ADAM32: variants seen among roughly 807,000 people sequenced by gnomAD.
ADAM32 encodes ADAM metallopeptidase domain 32.
A neutral mutation model predicts 114.9 loss-of-function variants in ADAM32; 89 were observed. The observed-to-expected ratio is 0.77, with a 90% CI of 0.65 to 0.92. The LOEUF (loss-of-function observed/expected upper bound fraction) is 0.92, where lower values mean the gene tolerates loss of function less well. ADAM32 is among the 40% of genes least tolerant of loss of function. The probability of loss-of-function intolerance (pLI) is 0.00; values close to 1 mark genes in which losing one functional copy is unlikely to be tolerated. For synonymous variants in ADAM32, 285 were observed against 307.5 expected (o/e 0.93, Z 0.77); for missense variants, 870 against 932.8 (o/e 0.93, Z 0.88).
chr8:39,272,381 T>A (rs1036805709), intron 20 of ADAM32, among the ~76,000 whole-genome samples: 7 of 152,114 alleles, frequency 4.6e-5, no homozygotes, highest in Non-Finnish European at 1.0e-4. Flanking sequence ...TTCTGAGAAA[T>A]GCACCGTTAG....
chr8:39,240,492 A>G (rs1266131369), intron 16 of ADAM32, among the ~76,000 whole-genome samples: 2 of 152,232 alleles, frequency 1.3e-5, no homozygotes, highest in African/African-American at 4.8e-5. Flanking sequence ...AAAAATAGAC[A>G]ACCTAAGGTC....
At chr8:39,275,542 C>T (rs766154528) in intron 21 of ADAM32, among the ~76,000 whole-genome samples, 3 of 152,128 alleles carry the variant, frequency 2.0e-5, no homozygotes, top group Admixed American at 6.5e-5. Context: ...TAAAATAAAG[C>T]ATGTATTCTG....
intron 12 of ADAM32, among the ~76,000 whole-genome samples, chr8:39,217,792 G>A (rs1342794966): frequency 6.6e-6 from 1 of 152,096 alleles, no homozygotes; most frequent in African/African-American, 2.4e-5. Flanking sequence ...ATGTCTTTGA[G>A]TTTCCTCAAA....
intron 10 of ADAM32, among the ~76,000 whole-genome samples, chr8:39,181,127 C>T (rs1480647695): frequency 7.2e-5 from 11 of 152,240 alleles, no homozygotes; most frequent in Admixed American, 2.0e-4. Flanking sequence ...AGTGGCAACC[C>T]GCTTGGGTCC....
chr8:39,140,582 G>A lies in ADAM32; in HGVS notation c.200+3864G>A, dbSNP rs113328897. ...GTATTTTATTGAGGATTTTCGCATCGATGTTCATCAGGGATATTGGCCTAA... is the reference window on the plus strand; with the variant it reads ...GTATTTTATTGAGGATTTTCGCATCAATGTTCATCAGGGATATTGGCCTAA... On this transcript the variant is annotated intron_variant, in intron 3 of 24. Transcript: ENST00000379907. Among the ~76,000 whole-genome samples, 63 of 152,224 alleles carry A rather than the reference G, an allele frequency of 4.1e-4. 1 individual carries two copies. The highest frequency in any genetic ancestry group is 1.4e-3 in the African/African-American group (57 of 41,544).
intron 20 of ADAM32, among the ~76,000 whole-genome samples, chr8:39,271,914 A>T (rs184800582): frequency 6.6e-6 from 1 of 152,066 alleles, no homozygotes. Flanking sequence ...GTGTTGGGTC[A>T]TGCCTGTAAT....
At chr8:39,200,962 T>A (rs1256683502) in intron 11 of ADAM32, among the ~76,000 whole-genome samples, 1 of 152,222 alleles carries the variant, frequency 6.6e-6, no homozygotes, top group Non-Finnish European at 1.5e-5. Context: ...CTGAAGGCTC[T>A]GTTCTGTTCC....
rs1349034657 is a variant in ADAM32 at position 39,211,210 on chromosome 8, T to C, written c.1119T>C (p.Asn373=). 1.2e-6 allele frequency: 2 copies of C among 1,607,392 alleles called. No individual in the cohort carries two copies. Among genetic ancestry groups the C allele is most frequent in the East Asian group, 4.5e-5 (2 of 44,450 alleles). Residue 373 remains asparagine (N), a synonymous_variant, in exon 12 of 25, where the codon AAT becomes AAC. Transcript: ENST00000379907. ...GGAGCTTTCAAAATTTCATTTCAAATGTGGGTGTCAAATGTCTTCAGAATA... is the reference window on the plus strand; with the variant it reads ...GGAGCTTTCAAAATTTCATTTCAAACGTGGGTGTCAAATGTCTTCAGAATA... ...SLRSFQNFIS[N]VGVKCLQNKP...
At chr8:39,188,998 G>A (rs1216380080) in intron 11 of ADAM32, among the ~76,000 whole-genome samples, 1 of 152,050 alleles carries the variant, frequency 6.6e-6, no homozygotes, top group Non-Finnish European at 1.5e-5. Context: ...AGTAGCTGAA[G>A]TGATCTACAT....
At chr8:39,197,842 G>A (rs1218407916) in intron 11 of ADAM32, among the ~76,000 whole-genome samples, 2 of 152,140 alleles carry the variant, frequency 1.3e-5, no homozygotes, top group African/African-American at 4.8e-5. Flanking sequence ...TTGCTTGATA[G>A]TGCTGCAGAT....
chr8:39,184,073 G>GT (rs1806073176), intron 10 of ADAM32, among the ~76,000 whole-genome samples: 1 of 152,222 alleles, frequency 6.6e-6, no homozygotes. Context: ...TTGATGGCAG[G>GT]TAGAGTGCTC....
chr8:39,152,457 C>T (rs893284634), intron 6 of ADAM32, among the ~76,000 whole-genome samples: 4 of 151,936 alleles, frequency 2.6e-5, no homozygotes, highest in Non-Finnish European at 5.9e-5. Context: ...CATGGTGGCT[C>T]ACACCTGTAA....
intron 20 of ADAM32, among the ~76,000 whole-genome samples, chr8:39,272,186 TATTGATGATTAAAAGA>T (rs1188556179): frequency 2.6e-5 from 4 of 151,804 alleles, no homozygotes; most frequent in Admixed American, 1.3e-4. Context: ...AAATGCAATT[TATTGATGATTAAAAGA>T]ACAGAACAAT....
At chr8:39,209,536 G>C (rs920447990) in intron 11 of ADAM32, among the ~76,000 whole-genome samples, 1 of 152,066 alleles carries the variant, frequency 6.6e-6, no homozygotes, top group Non-Finnish European at 1.5e-5. Flanking sequence ...TAATGCTTGT[G>C]GATGTATCTG....
intron 19 of ADAM32, among the ~76,000 whole-genome samples, chr8:39,260,834 A>G (rs773349954): frequency 9.9e-5 from 15 of 152,086 alleles, no homozygotes; most frequent in Admixed American, 6.6e-4. Flanking sequence ...TATTAATTCT[A>G]TTATAAAAGT....
intron 16 of ADAM32, among the ~76,000 whole-genome samples, chr8:39,245,039 C>G (rs1236752504): frequency 6.6e-6 from 1 of 151,960 alleles, no homozygotes; most frequent in Non-Finnish European, 1.5e-5. Context: ...TTCTGCATAG[C>G]AAAAATATAA....
In ADAM32 at chr8:39,223,209, A is replaced by T; in HGVS notation, c.1496A>T (p.Asp499Val). The T allele has an allele frequency of 6.3e-7, 1 of 1,595,374 alleles. No homozygotes were observed. Among genetic ancestry groups the T allele is most frequent in the East Asian group, 2.3e-5 (1 of 43,948 alleles). The change falls in exon 14 of 25, where the codon GAT becomes GTT. Residue 499 changes from aspartate to valine, a missense_variant. Physicochemically the swap from Asp to Val is radical, Grantham distance 152. Coordinates refer to ENST00000379907, the MANE Select transcript of ADAM32 (RefSeq NM_145004.7). Reference protein sequence around the residue: ...ICYDGDCHDLDARCESVFGKG... With the variant: ...ICYDGDCHDLVARCESVFGKG... ...TATGACGGAGACTGCCATGATCTCGATGCACGTTGTGAGAGTGTATTTGGA... is the reference window on the plus strand; with the variant it reads ...TATGACGGAGACTGCCATGATCTCGTTGCACGTTGTGAGAGTGTATTTGGA...
In ADAM32 at chr8:39,174,581, C is replaced by T. The variant is rs1805398299; in HGVS notation, c.915+4584C>T. 2.0e-5 allele frequency among the ~76,000 whole-genome samples: 3 copies of T among 151,910 alleles called. No homozygotes were observed. In the South Asian group the frequency reaches 6.2e-4, roughly 32 times the overall value. ...TGTGCAGGTTAGTTACATATGTATA[C>T]ATGTGCCTTGCTGGTGCGCTGCACC... On this transcript the variant is annotated intron_variant, in intron 10 of 24. Transcript: ENST00000379907.
chr8:39,281,108 A>G (rs1237533477), intron 22 of ADAM32, 28 bp from the exon 23 acceptor site: 2 of 1,168,690 alleles, frequency 1.7e-6, no homozygotes, highest in Non-Finnish European at 2.2e-6. Flanking sequence ...TAGATATTTA[A>G]TATATATTGT....
Sources: allele counts gnomAD v4.1 joint callset (sites outside exome capture counted in the v4.1 genomes callset), GRCh38; gene constraint gnomAD v4.1.1; transcripts MANE v1.5; gene names NCBI Gene and HGNC (gene_info 2026-07-23, HGNC 2026-07-21).